Variants in FOXN3 observed in about 807,000 individuals in gnomAD.
FOXN3 encodes forkhead box N3.
Under a neutral mutation model 38.4 loss-of-function variants are expected in FOXN3, and 7 were observed. The ratio of observed to expected loss-of-function variants is 0.18; its 90% CI spans 0.10 to 0.34. The LOEUF is 0.34. Among genes scored for constraint, FOXN3 ranks in the 10% least tolerant of loss-of-function variants. The pLI, the probability that FOXN3 is intolerant of heterozygous loss-of-function variation, is 1.00. For missense variants in FOXN3, 456 were observed against 613.4 expected (o/e 0.74, Z 2.71); for synonymous variants, 230 against 242.2 (o/e 0.95, Z 0.47).
intron 1 of FOXN3, among the ~76,000 whole-genome samples, chr14:89,611,360 A>AGG (rs1379879774): frequency 6.6e-6 from 1 of 152,196 alleles, no homozygotes; most frequent in South Asian, 2.1e-4. Flanking sequence ...TGTCTAGGAA[A>AGG]TCTGTTTTTT....
At chr14:89,213,174 A>G (rs372054041) in intron 4 of FOXN3, among the ~76,000 whole-genome samples, 4 of 152,146 alleles carry the variant, frequency 2.6e-5, no homozygotes, top group East Asian at 1.9e-4. Flanking sequence ...CTCTCCCCCA[A>G]CCTTCCATAC....
At chr14:89,301,057 C>T (rs369981672) in intron 3 of FOXN3, among the ~76,000 whole-genome samples, 65 of 152,166 alleles carry the variant, frequency 4.3e-4, no homozygotes, top group African/African-American at 1.5e-3. Flanking sequence ...CCTGGCTTGG[C>T]CTCACAAAGT....
intron 1 of FOXN3, among the ~76,000 whole-genome samples, chr14:89,439,032 A>G (rs1356813496): frequency 6.6e-6 from 1 of 152,166 alleles, no homozygotes; most frequent in Non-Finnish European, 1.5e-5. Flanking sequence ...TGCTGGGATT[A>G]CAAGCGTGAG....
At position 89,158,541 on chromosome 14, in the gene FOXN3, G is replaced by C; in HGVS notation, c.*3873C>G. 6.6e-6 allele frequency: 1 copy of C among 152,604 alleles called. No homozygotes were observed. The allele number at this position is 152,604 out of a possible 1,614,324, so 9.5% of individuals were successfully genotyped here. On this transcript the variant is annotated 3_prime_UTR_variant, in exon 6 of 6. Transcript: ENST00000557258. Reference sequence around the variant, plus strand: ...ATGGGTTTGGTTCATTTTAGTTTCAGATAGATGGCTTCACCAAAGAACTCT... The same window carrying C: ...ATGGGTTTGGTTCATTTTAGTTTCACATAGATGGCTTCACCAAAGAACTCT...
At chr14:89,599,513 T>C (rs1896118388) in intron 1 of FOXN3, among the ~76,000 whole-genome samples, 1 of 152,220 alleles carries the variant, frequency 6.6e-6, no homozygotes, top group African/African-American at 2.4e-5. Flanking sequence ...CCATATTTGA[T>C]TATCTATTAT....
chr14:89,292,230 A>C (rs1886896104), intron 3 of FOXN3, among the ~76,000 whole-genome samples: 1 of 150,948 alleles, frequency 6.6e-6, no homozygotes, highest in African/African-American at 2.4e-5. Flanking sequence ...GTCTCCACTT[A>C]CCTCCCCCTT....
At chr14:89,549,117 T>TA (rs778301383) in intron 1 of FOXN3, among the ~76,000 whole-genome samples, 5,813 of 136,822 alleles carry the variant, frequency 0.042, 299 homozygotes, top group African/African-American at 0.12. Context: ...AGACTCCATC[T>TA]AAAAAAAAAA....
intron 4 of FOXN3, among the ~76,000 whole-genome samples, chr14:89,192,312 T>C (rs1887975338): frequency 6.8e-6 from 1 of 146,206 alleles, no homozygotes; most frequent in Non-Finnish European, 1.5e-5. Context: ...CATACTATTA[T>C]ATATGATCAT....
intron 1 of FOXN3, among the ~76,000 whole-genome samples, chr14:89,616,551 C>G (rs1896498382): frequency 6.7e-6 from 1 of 148,998 alleles, no homozygotes; most frequent in Non-Finnish European, 1.5e-5. Flanking sequence ...CACACAAACG[C>G]AGCCTTCAAA....
At chr14:89,474,355 A>T (rs1409364205) in intron 1 of FOXN3, among the ~76,000 whole-genome samples, 1 of 152,166 alleles carries the variant, frequency 6.6e-6, no homozygotes, top group Non-Finnish European at 1.5e-5. Flanking sequence ...CCACCACCAC[A>T]TCCTCACCCC....
rs77197158 is a variant in FOXN3 at position 89,476,899 on chromosome 14, C to G, written c.-14-64409G>C. On this transcript the variant is annotated intron_variant, in intron 1 of 6. Transcript: ENST00000345097. ...AGACCTGCAGTGAATGGTAGTAAGGCGCCAGGAGGGAGAAATAGAGAAGGA... is the reference window on the plus strand; with the variant it reads ...AGACCTGCAGTGAATGGTAGTAAGGGGCCAGGAGGGAGAAATAGAGAAGGA... Among the ~76,000 whole-genome samples, 1,147 of 152,112 alleles carry G rather than the reference C, an allele frequency of 7.5e-3. 10 individuals carry two copies. The highest frequency in any genetic ancestry group is 0.031 in the Middle Eastern group (9 of 294).
chr14:89,163,728 A>T lies in FOXN3; in HGVS notation c.852-759T>A, dbSNP rs1414125540. ...TGCAGAGGACCATGTTTAACTCCGT[A>T]AGGTGGATATTAGCATCCTTATTTT... is the stretch of plus-strand genomic sequence containing the variant. On this transcript the variant is annotated intron_variant, in intron 5 of 5. Transcript: ENST00000557258. The surrounding 1 kb of genome is among the most constrained non-coding windows in gnomAD (Gnocchi z 4.3). Among the ~76,000 whole-genome samples, 3 of 152,216 alleles carry T rather than the reference A, an allele frequency of 2.0e-5. No individual in the cohort carries two copies. The highest frequency in any genetic ancestry group is 4.4e-5 in the Non-Finnish European group (3 of 68,044).
chr14:89,180,600 GT>G (rs1887640260), intron 5 of FOXN3, 100 bp downstream of exon 5: 1 of 786,080 alleles, frequency 1.3e-6, no homozygotes, highest in East Asian at 3.0e-5. Flanking sequence ...GCTGTCACTA[GT>G]TCGAAGCAGC....
intron 1 of FOXN3, among the ~76,000 whole-genome samples, chr14:89,525,971 G>C (rs189838809): frequency 1.3e-4 from 19 of 150,638 alleles, no homozygotes; most frequent in African/African-American, 4.6e-4. Context: ...ACATTAGAAA[G>C]ATCAATCAAT....
chr14:89,305,631 C>G (rs549519316), intron 3 of FOXN3, among the ~76,000 whole-genome samples: 2 of 152,282 alleles, frequency 1.3e-5, no homozygotes, highest in South Asian at 4.1e-4. Flanking sequence ...TTAGCTGTTG[C>G]CAGGCAACCA....
intron 3 of FOXN3, among the ~76,000 whole-genome samples, chr14:89,328,914 T>C (rs926489278): frequency 6.6e-6 from 1 of 152,198 alleles, no homozygotes; most frequent in Admixed American, 6.5e-5. Flanking sequence ...AAGCTGCCTA[T>C]GTCATTCAGC....
At chr14:89,282,511 C>T (rs1274875662) in intron 3 of FOXN3, among the ~76,000 whole-genome samples, 1 of 152,146 alleles carries the variant, frequency 6.6e-6, no homozygotes, top group Non-Finnish European at 1.5e-5. Context: ...CTCAAAGTTG[C>T]ATGAAGAATA....
intron 2 of FOXN3, among the ~76,000 whole-genome samples, chr14:89,360,778 C>G (rs796203521): frequency 0.37 from 8,684 of 23,610 alleles, 565 homozygotes; most frequent in Admixed American, 0.42. Context: ...ACCACCTCCA[C>G]CACCACCTCC....
intron 4 of FOXN3, among the ~76,000 whole-genome samples, chr14:89,223,805 T>C (rs1442504524): frequency 1.3e-5 from 2 of 152,186 alleles, no homozygotes; most frequent in African/African-American, 4.8e-5. Context: ...GAGCATCTTT[T>C]ACCCCCAGGA....
Sources: gnomAD v4.1 joint callset for allele counts (sites outside exome capture counted in the v4.1 genomes callset) on GRCh38, gnomAD v4.1.1 for gene constraint, Gnocchi (gnomAD v3.1) non-coding constraint, MANE v1.5 for transcripts, NCBI Gene and HGNC (gene_info 2026-07-23, HGNC 2026-07-21) for gene names.